The following PDE4D variants were observed in gnomAD, a reference collection of about 807,000 sequenced individuals.
The protein encoded by PDE4D is phosphodiesterase 4D.
Under a neutral mutation model 87.4 loss-of-function variants are expected in PDE4D, and 24 were observed. The ratio of observed to expected loss-of-function variants is 0.27; its 90% CI spans 0.20 to 0.39. The LOEUF (loss-of-function observed/expected upper bound fraction) is 0.39. Ranked by LOEUF, PDE4D falls within the 10% of genes least tolerant of loss-of-function variation. The pLI is 1.00. For synonymous variants in PDE4D, 384 were observed against 383.2 expected, an observed-to-expected ratio of 1.00 and a Z score of -0.02; for missense variants, 714 against 1,041.0, an observed-to-expected ratio of 0.69 and a Z score of 4.32.
chr5:59,454,858 CTT>C (rs1562219104), intron 1 of PDE4D, among the ~76,000 whole-genome samples: 1 of 152,130 alleles, frequency 6.6e-6, no homozygotes, highest in African/African-American at 2.4e-5. Context: ...AAAAGTGACT[CTT>C]GTTATGTTTT....
intron 2 of PDE4D, among the ~76,000 whole-genome samples, chr5:59,208,611 A>G (rs956051013): frequency 1.4e-5 from 2 of 146,556 alleles, no homozygotes; most frequent in Admixed American, 6.7e-5. Context: ...AAACATCAGG[A>G]TTTCATTTTT....
intron 1 of PDE4D, among the ~76,000 whole-genome samples, chr5:60,221,255 A>G (rs1221008616): frequency 1.3e-5 from 2 of 152,142 alleles, no homozygotes; most frequent in Non-Finnish European, 2.9e-5. Flanking sequence ...TGCATGAAAA[A>G]AGACTGGGAA....
At chr5:59,329,137 G>T (rs1173105967) in intron 1 of PDE4D, among the ~76,000 whole-genome samples, 2 of 152,184 alleles carry the variant, frequency 1.3e-5, no homozygotes, top group Non-Finnish European at 2.9e-5. Context: ...CTTCCTCCAG[G>T]ATTTTCCCAT....
At chr5:60,044,538 C>A (rs1041149848) in intron 2 of PDE4D, among the ~76,000 whole-genome samples, 4 of 151,878 alleles carry the variant, frequency 2.6e-5, no homozygotes, top group African/African-American at 9.7e-5. Context: ...CAATAGTCCC[C>A]AGAGTGTGAT....
At chr5:59,469,218 C>T (rs1333567306) in intron 1 of PDE4D, among the ~76,000 whole-genome samples, 1 of 151,952 alleles carries the variant, frequency 6.6e-6, no homozygotes, top group African/African-American at 2.4e-5. Flanking sequence ...GTCCCAGCTA[C>T]TTGGGAGGTT....
chr5:58,975,924 A>T lies in PDE4D; in HGVS notation c.1831-85T>A. Reference sequence around the variant, plus strand: ...AAAAAAAACTAGAAATTCACATTGGATGACTGCAACACTTAAAAATACACG... The same window carrying T: ...AAAAAAAACTAGAAATTCACATTGGTTGACTGCAACACTTAAAAATACACG... On this transcript the variant is annotated intron_variant, in intron 13 of 14. Coordinates refer to ENST00000340635, the MANE Select transcript of PDE4D (RefSeq NM_001104631.2). The surrounding 1 kb of genome is among the most constrained non-coding windows in gnomAD (Gnocchi z 4.2). 1 of 999,936 alleles carries T rather than the reference A, an allele frequency of 1.0e-6. No individual in the cohort carries two copies. The highest frequency in any genetic ancestry group is 2.8e-5 in the East Asian group (1 of 36,172). 61.9% of individuals were successfully genotyped at this position (999,936 alleles called of 1,614,324 possible). A position where few individuals can be genotyped will look rare whatever the true frequency, so the allele number is the denominator to read the frequency against.
Position 59,095,886 on chromosome 5 carries a change from T to C in PDE4D, c.809-56915A>G, listed in dbSNP as rs550553055. On this transcript the variant is annotated intron_variant, in intron 5 of 14. Transcript: ENST00000340635. ...ATTCAGGCTAAGCTGCTAAATAGGC[T>C]ATCTCAGGGATTCTCAGCTCATTCT... Among the ~76,000 whole-genome samples, 6 of 152,358 alleles carry C rather than the reference T, an allele frequency of 3.9e-5. No individual in the cohort carries two copies. The South Asian group carries it at 6.2e-4, about 16-fold the overall frequency.
At chr5:59,791,052 C>A (rs758028174) in intron 1 of PDE4D, among the ~76,000 whole-genome samples, 2 of 152,138 alleles carry the variant, frequency 1.3e-5, no homozygotes, top group Non-Finnish European at 2.9e-5. Context: ...GGAAGACTTC[C>A]GAGTACACAG....
At chr5:60,106,045 T>G (rs1020207540) in intron 2 of PDE4D, among the ~76,000 whole-genome samples, 30 of 152,104 alleles carry the variant, frequency 2.0e-4, no homozygotes, top group African/African-American at 7.2e-4. Flanking sequence ...ATGCTCCAAT[T>G]AAAAGACACA....
chr5:59,122,371 G>A (rs1323890463), intron 5 of PDE4D, among the ~76,000 whole-genome samples: 5 of 152,082 alleles, frequency 3.3e-5, no homozygotes, highest in African/African-American at 9.7e-5. Flanking sequence ...CATGAAGGTA[G>A]ACCGATAGAT....
chr5:59,357,495 G>C (rs907763778), intron 1 of PDE4D, among the ~76,000 whole-genome samples: 7 of 150,566 alleles, frequency 4.6e-5, no homozygotes, highest in African/African-American at 1.7e-4. Flanking sequence ...GTCAGTGTGA[G>C]AAAAAAAAAC....
intron 1 of PDE4D, among the ~76,000 whole-genome samples, chr5:60,298,183 A>G (rs76276235): frequency 0.036 from 5,463 of 152,256 alleles, 136 homozygotes; most frequent in East Asian, 0.11. Context: ...AAAAATTCCA[A>G]TTAACTTATC....
chr5:59,061,782 G>A (rs1763153014), intron 5 of PDE4D, among the ~76,000 whole-genome samples: 1 of 152,132 alleles, frequency 6.6e-6, no homozygotes, highest in Non-Finnish European at 1.5e-5. Flanking sequence ...TGTCAGAAAT[G>A]TGTTAGCTAT....
At chr5:58,995,965 G>C (rs1355619038) in intron 6 of PDE4D, among the ~76,000 whole-genome samples, 7 of 151,978 alleles carry the variant, frequency 4.6e-5, no homozygotes, top group Admixed American at 4.6e-4. Flanking sequence ...GCCATAAAAA[G>C]GGATGAGTTC....
At chr5:59,771,548 A>AAGAAAGAAAGAAAGAAAGAG (rs1301300595) in intron 1 of PDE4D, among the ~76,000 whole-genome samples, 1 of 139,504 alleles carries the variant, frequency 7.2e-6, no homozygotes, top group South Asian at 2.1e-4. Flanking sequence ...GAAAGAAAGA[A>AAGAAAGAAAGAAAGAAAGAG]AGAAAAGAAA....
chr5:59,723,461 T>C (rs1405133520), intron 1 of PDE4D, among the ~76,000 whole-genome samples: 2 of 152,136 alleles, frequency 1.3e-5, no homozygotes, highest in African/African-American at 2.4e-5. Flanking sequence ...GGACTATTGT[T>C]ATATTTCTGG....
chr5:60,320,104 C>T (rs1263979535), intron 1 of PDE4D, among the ~76,000 whole-genome samples: 2 of 152,238 alleles, frequency 1.3e-5, no homozygotes, highest in Admixed American at 6.5e-5. Context: ...GGCAGGCAGG[C>T]CTCCTTGAGC....
At chr5:59,017,700 A>C (rs904877042) in intron 6 of PDE4D, among the ~76,000 whole-genome samples, 2 of 152,224 alleles carry the variant, frequency 1.3e-5, no homozygotes, top group Non-Finnish European at 2.9e-5. Flanking sequence ...AATTTGGAAT[A>C]TGAAAGCCTA....
chr5:59,580,736 C>T (rs1049662664), intron 1 of PDE4D, among the ~76,000 whole-genome samples: 1 of 152,084 alleles, frequency 6.6e-6, no homozygotes. Flanking sequence ...CTTTAATAGC[C>T]TACTTCTTAA....
Sources: allele counts gnomAD v4.1 joint callset (sites outside exome capture counted in the v4.1 genomes callset), GRCh38; gene constraint gnomAD v4.1.1; non-coding constraint Gnocchi (gnomAD v3.1); transcripts MANE v1.5; gene names NCBI Gene and HGNC (gene_info 2026-07-23, HGNC 2026-07-21).